Variants in SVOPL observed in about 807,000 individuals in gnomAD.
SVOPL encodes the protein SVOP like.
Under a neutral mutation model 61.0 loss-of-function variants are expected in SVOPL, and 60 were observed. That is an observed-to-expected ratio of 0.98 (90% CI 0.80 to 1.22). SVOPL has a LOEUF of 1.22. Ranked by LOEUF, SVOPL falls within the 50% of genes most tolerant of loss-of-function variation. The pLI is 0.00. For synonymous variants in SVOPL, 279 were observed against 250.0 expected (o/e 1.12, Z -1.09); for missense variants, 662 against 643.9 (o/e 1.03, Z -0.30).
In SVOPL at chr7:138,644,757, C is replaced by A. The variant is rs149283565; in HGVS notation, c.749G>T (p.Arg250Leu). The part of the protein sequence containing the change: ...ATLERVAKMN[R>L]SVMPEGKLVE... The stretch of plus-strand genomic sequence containing the variant: ...CAGCTTCCCCTCCGGCATGACCGAG[C>A]GGTTCATCTTGGCAACGCGCTCCAG... The change falls in exon 9 of 16, where the codon CGC becomes CTC. Residue 250 changes from arginine to leucine, a missense_variant. Physicochemically the swap from Arg to Leu is moderately radical, Grantham distance 102 (BLOSUM62 -2). Coordinates refer to ENST00000674285, the MANE Select transcript of SVOPL (RefSeq NM_001139456.2). 4 of 1,614,028 alleles carry A rather than the reference C, an allele frequency of 2.5e-6. No homozygotes were observed. The African/African-American group carries it at 5.3e-5, about 22-fold the overall frequency.
At chr7:138,622,025 T>A in intron 13 of SVOPL, among the ~76,000 whole-genome samples, 2 of 149,268 alleles carry the variant, frequency 1.3e-5, no homozygotes, top group Non-Finnish European at 3.0e-5. Flanking sequence ...TATGTATCTA[T>A]CTATCTATCT....
intron 14 of SVOPL, among the ~76,000 whole-genome samples, chr7:138,602,804 C>T (rs1035261899): frequency 6.6e-6 from 1 of 152,000 alleles, no homozygotes; most frequent in Non-Finnish European, 1.5e-5. Flanking sequence ...TCCTGCTCTC[C>T]CAGGACCTCA....
chr7:138,694,391 C>T (rs895695003), intron 1 of SVOPL, among the ~76,000 whole-genome samples: 5 of 151,574 alleles, frequency 3.3e-5, no homozygotes, highest in Non-Finnish European at 5.9e-5. Context: ...ATTACAAGTG[C>T]CTGCCACCAC....
At chr7:138,660,800 T>TATA in intron 5 of SVOPL, 5 of 978,626 alleles carry the variant, frequency 5.1e-6, no homozygotes, top group Non-Finnish European at 6.1e-6. Context: ...AATAATATTA[T>TATA]ATAATAATAA....
At chr7:138,678,708 T>C (rs1284072252) in intron 2 of SVOPL, among the ~76,000 whole-genome samples, 183 bp from the exon 3 acceptor site, 1 of 152,050 alleles carries the variant, frequency 6.6e-6, no homozygotes, top group Non-Finnish European at 1.5e-5. Flanking sequence ...GTAGCTGAGA[T>C]TACACACACC....
chr7:138,655,688 A>G (rs1801695649), intron 7 of SVOPL, among the ~76,000 whole-genome samples: 1 of 149,554 alleles, frequency 6.7e-6, no homozygotes, highest in Admixed American at 6.7e-5. Flanking sequence ...ACATATATGT[A>G]CATGCAATAT....
At chr7:138,620,814 A>G (rs1026558461) in intron 14 of SVOPL, among the ~76,000 whole-genome samples, 4 of 152,194 alleles carry the variant, frequency 2.6e-5, no homozygotes, top group Non-Finnish European at 2.9e-5. Context: ...TTTAAAATGG[A>G]GCAAACCCTG....
At chr7:138,611,309 C>T (rs1051906690) in intron 14 of SVOPL, among the ~76,000 whole-genome samples, 3 of 152,162 alleles carry the variant, frequency 2.0e-5, no homozygotes, top group African/African-American at 7.2e-5. Flanking sequence ...ACCCAGGAGG[C>T]AGAGGTTGTA....
chr7:138,607,830 C>T (rs763285799), intron 14 of SVOPL, among the ~76,000 whole-genome samples: 3 of 152,030 alleles, frequency 2.0e-5, no homozygotes, highest in African/African-American at 4.8e-5. Flanking sequence ...AAATAGAAAT[C>T]GCAGAAGGGC....
At chr7:138,628,110 CAT>C in intron 11 of SVOPL, 46 bp downstream of exon 11, 1 of 1,607,328 alleles carries the variant, frequency 6.2e-7, no homozygotes, top group East Asian at 2.2e-5. Context: ...CTCAAGTGCA[CAT>C]AGACCACCCA....
At chr7:138,675,213 C>T (rs1802528414) in intron 3 of SVOPL, among the ~76,000 whole-genome samples, 1 of 144,764 alleles carries the variant, frequency 6.9e-6, no homozygotes, top group Admixed American at 7.1e-5. Context: ...CCAGCCTAGG[C>T]AACATAGCTA....
rs1409268473 is a variant in SVOPL at position 138,611,957 on chromosome 7, G to A, written c.1353+9089C>T. Among the ~76,000 whole-genome samples the A allele has an allele frequency of 5.8e-3, 114 of 19,504 alleles. 8 individuals carry two copies. The highest frequency in any genetic ancestry group is 0.015 in the African/African-American group (111 of 7,422). 12.8% of individuals were successfully genotyped at this position (19,504 alleles called of 152,430 possible). On this transcript the variant is annotated intron_variant, in intron 14 of 15. Transcript: ENST00000674285. ...TGGCGGCTTTGTGGAATAGAAAGGC[G>A]GGAAAGGCGGGGAAAGGATTGGGAA... is the stretch of plus-strand genomic sequence containing the variant.
rs535232559 is a variant in SVOPL, at chr7:138,678,426, G to C, written c.174+8C>G. The C allele has an allele frequency of 1.7e-4, 266 of 1,550,304 alleles. 2 individuals are homozygous for C. The South Asian group carries it at 2.9e-3, about 17-fold the overall frequency. On this transcript the variant is annotated splice_region_variant and intron_variant, in intron 3 of 15. Transcript: ENST00000674285. ...CACTTTTCGTCAACATCTCGAAGGA[G>C]CACTCACCCCAGTACTGCCCATGAT...
At chr7:138,597,248 C>T (rs1798318087) in intron 14 of SVOPL, 1 of 1,284,052 alleles carries the variant, frequency 7.8e-7, no homozygotes, top group Non-Finnish European at 1.0e-6. Context: ...CAGCAAAGCT[C>T]TCTAGAATCA....
Position 138,621,529 on chromosome 7 carries a change from C to T in SVOPL, c.1264-394G>A, listed in dbSNP as rs547182742. On this transcript the variant is annotated intron_variant, in intron 13 of 15. Coordinates refer to ENST00000674285, the MANE Select transcript of SVOPL (RefSeq NM_001139456.2). Reference sequence around the variant, plus strand: ...GATGAAGTCTTCAATACAAATACAGCTAAGAGAACTAACTAGAGGGCCAGG... The same window carrying T: ...GATGAAGTCTTCAATACAAATACAGTTAAGAGAACTAACTAGAGGGCCAGG... 2.1e-3 allele frequency among the ~76,000 whole-genome samples: 315 copies of T among 152,298 alleles called. 2 individuals carry two copies. Among genetic ancestry groups the T allele is most frequent in the African/African-American group, 7.5e-3 (311 of 41,562 alleles).
intron 4 of SVOPL, among the ~76,000 whole-genome samples, chr7:138,670,315 T>C (rs1387516667): frequency 1.3e-5 from 2 of 152,196 alleles, no homozygotes; most frequent in African/African-American, 2.4e-5. Context: ...TGTTAAGATA[T>C]AGGCTTAAAG....
chr7:138,624,566 C>A (rs1057220779), intron 13 of SVOPL, among the ~76,000 whole-genome samples: 4 of 152,036 alleles, frequency 2.6e-5, no homozygotes, highest in Non-Finnish European at 5.9e-5. Flanking sequence ...AAGATAAAAG[C>A]CTTTAAAACA....
intron 1 of SVOPL, among the ~76,000 whole-genome samples, chr7:138,690,866 A>G (rs1309002117): frequency 6.6e-6 from 1 of 152,026 alleles, no homozygotes; most frequent in Non-Finnish European, 1.5e-5. Context: ...TCTGCCTCCC[A>G]AGTTCAAATG....
Position 138,672,084 on chromosome 7 carries a change from C to T in SVOPL, c.208G>A (p.Val70Ile), listed in dbSNP as rs1347146134. The T allele has an allele frequency of 6.4e-7, 1 of 1,551,724 alleles. No homozygotes were observed. The change falls in exon 4 of 16, where the codon GTT becomes ATT. Residue 70 changes from valine to isoleucine, a missense_variant. By Grantham distance (29) the Val-to-Ile change is conservative. Transcript: ENST00000674285. ...VEAMEIMLIA[V>I]VSPVIRCEWQ... ...TCACAGCGGATGACAGGAGACACAA[C>T]AGCTATCAACATGATCTCCATGGCC...
Sources: allele counts gnomAD v4.1 joint callset (sites outside exome capture counted in the v4.1 genomes callset), GRCh38; gene constraint gnomAD v4.1.1; transcripts MANE v1.5; gene names NCBI Gene and HGNC (gene_info 2026-07-23, HGNC 2026-07-21).